DNAH8: variants seen among roughly 807,000 people sequenced by gnomAD.
DNAH8 encodes the protein axonemal beta dynein heavy chain 8.
In DNAH8, 382 loss-of-function variants were observed where a neutral mutation model predicts 562.1. The observed-to-expected ratio is 0.68, with a 90% CI of 0.63 to 0.74. The LOEUF (loss-of-function observed/expected upper bound fraction) is 0.74. Ranked by LOEUF, DNAH8 falls within the 30% of genes least tolerant of loss-of-function variation. The pLI is 0.00. For missense variants in DNAH8, 5,203 were observed against 5,620.4 expected (o/e 0.93, Z 2.37); for synonymous variants, 1,881 against 1,919.4 (o/e 0.98, Z 0.52).
chr6:38,783,637 C>T (rs1582994728), intron 17 of DNAH8, among the ~76,000 whole-genome samples: 2 of 152,066 alleles, frequency 1.3e-5, no homozygotes, highest in East Asian at 3.9e-4. Flanking sequence ...GTCTGCGTGC[C>T]TCTGAGGGGA....
At position 38,860,600 on chromosome 6, in the gene DNAH8, T is replaced by G; in HGVS notation, c.6102T>G (p.Asp2034Glu). The G allele has an allele frequency of 6.5e-7, 1 of 1,547,708 alleles. No homozygotes were observed. The highest frequency in any genetic ancestry group is 8.6e-7 in the Non-Finnish European group (1 of 1,157,530). ...IYQNEFLGCTDRLVITPLTDR... is the reference protein window; with the variant it reads ...IYQNEFLGCTERLVITPLTDR... ...AAAATGAATTTCTGGGATGTACTGATCGTCTTGTTATCACTCCATTAACAG... is the reference window on the plus strand; with the variant it reads ...AAAATGAATTTCTGGGATGTACTGAGCGTCTTGTTATCACTCCATTAACAG... Residue 2034 changes from aspartate to glutamate, a missense_variant, in exon 43 of 93, where the codon GAT becomes GAG. This residue lies in a region of DNAH8 where 2,176 missense variants were observed against 2,365.1 expected (regional missense o/e 0.92). Coordinates refer to ENST00000327475, the MANE Select transcript of DNAH8 (RefSeq NM_001206927.2).
intron 88 of DNAH8, among the ~76,000 whole-genome samples, chr6:39,005,830 T>C (rs1765764049): frequency 6.6e-6 from 1 of 152,268 alleles, no homozygotes; most frequent in Non-Finnish European, 1.5e-5. Flanking sequence ...TCTTTCTAGA[T>C]AATCTGCTCT....
At chr6:38,997,523 G>T (rs1765216104) in intron 88 of DNAH8, among the ~76,000 whole-genome samples, 1 of 152,144 alleles carries the variant, frequency 6.6e-6, no homozygotes, top group African/African-American at 2.4e-5. Flanking sequence ...TTCTGTTGGG[G>T]GCATGTTGAG....
chr6:38,911,945 C>G (rs1172714039), intron 66 of DNAH8, among the ~76,000 whole-genome samples: 3 of 152,166 alleles, frequency 2.0e-5, no homozygotes, highest in African/African-American at 7.2e-5. Flanking sequence ...TTTGTATAAA[C>G]TTTGCCATGT....
At chr6:39,015,291 CAAAGTGTT>C (rs1278893101) in intron 91 of DNAH8, among the ~76,000 whole-genome samples, 2 of 152,018 alleles carry the variant, frequency 1.3e-5, no homozygotes, top group African/African-American at 4.8e-5. Flanking sequence ...CTTTAAAAAG[CAAAGTGTT>C]AATATGAACT....
chr6:38,982,914 T>C (rs1024244682), intron 86 of DNAH8, among the ~76,000 whole-genome samples: 4 of 152,204 alleles, frequency 2.6e-5, no homozygotes, highest in Admixed American at 2.6e-4. Flanking sequence ...TATGACACTT[T>C]GCAGTTTTCA....
intron 1 of DNAH8, among the ~76,000 whole-genome samples, chr6:38,717,174 T>C (rs1350431493): frequency 6.6e-6 from 1 of 152,136 alleles, no homozygotes; most frequent in African/African-American, 2.4e-5. Context: ...CTCACATGAC[T>C]GTACTCCAGC....
At chr6:39,004,728 T>A (rs755645130) in intron 88 of DNAH8, among the ~76,000 whole-genome samples, 1 of 152,248 alleles carries the variant, frequency 6.6e-6, no homozygotes, top group Non-Finnish European at 1.5e-5. Context: ...CTAATCTACT[T>A]TCTGTTTCTG....
chr6:38,767,213 G>A (rs961066613), intron 11 of DNAH8, among the ~76,000 whole-genome samples: 4 of 152,264 alleles, frequency 2.6e-5, no homozygotes, highest in Admixed American at 1.3e-4. Flanking sequence ...GAGGCGGGCA[G>A]ATCACCTGAG....
Position 38,775,968 on chromosome 6 carries a change from A to G in DNAH8, c.1962+17A>G, listed in dbSNP as rs372790289. On this transcript the variant is annotated intron_variant, in intron 13 of 92. Transcript: ENST00000327475. ...GGTTTAGAGGTAAGTAATTATACCT[A>G]CTTTTACTTAGTAAAGCTGAAAAGT... The G allele has an allele frequency of 3.9e-6, 6 of 1,533,712 alleles. No homozygotes were observed. Among genetic ancestry groups the G allele is most frequent in the Non-Finnish European group, 5.4e-6 (6 of 1,110,878 alleles).
chr6:38,882,663 C>A (rs1321314132), intron 53 of DNAH8, among the ~76,000 whole-genome samples: 2 of 152,140 alleles, frequency 1.3e-5, no homozygotes, highest in Admixed American at 1.3e-4. Flanking sequence ...CCCTGTATAT[C>A]TAACAGACCT....
chr6:38,851,362 C>T (rs1003761897), intron 38 of DNAH8, among the ~76,000 whole-genome samples: 2 of 152,154 alleles, frequency 1.3e-5, no homozygotes, highest in Non-Finnish European at 2.9e-5. Flanking sequence ...GATGGGGCAG[C>T]CTTGCTCTGA....
intron 29 of DNAH8, among the ~76,000 whole-genome samples, chr6:38,826,772 C>T (rs1773365208): frequency 6.6e-6 from 1 of 152,174 alleles, no homozygotes; most frequent in Non-Finnish European, 1.5e-5. Flanking sequence ...AGGTCTCACT[C>T]ATGAACGGTG....
chr6:38,724,843 C>T (rs1256144728), intron 3 of DNAH8, among the ~76,000 whole-genome samples: 3 of 152,042 alleles, frequency 2.0e-5, no homozygotes, highest in Admixed American at 6.5e-5. Flanking sequence ...TGCTGGTGAG[C>T]TGATTGTCTC....
chr6:39,029,696 A>G (rs2150806789), intron 92 of DNAH8, among the ~76,000 whole-genome samples: 1 of 152,274 alleles, frequency 6.6e-6, no homozygotes, highest in East Asian at 1.9e-4. Context: ...GTTGAGACAC[A>G]GGTTGGTTGG....
At chr6:38,866,173 A>T (rs1051802061) in intron 45 of DNAH8, among the ~76,000 whole-genome samples, 5 of 152,082 alleles carry the variant, frequency 3.3e-5, no homozygotes, top group South Asian at 2.1e-4. Context: ...GAGATGGAAT[A>T]AAAAAAATGC....
chr6:38,845,869 A>T lies in DNAH8; in HGVS notation c.5045+96A>T, dbSNP rs966508048. The T allele has an allele frequency of 9.0e-6, 9 of 996,042 alleles. No homozygotes were observed. In the Admixed American group the frequency reaches 1.8e-4, roughly 20 times the overall value. The allele number at this position is 996,042 out of a possible 1,614,324, so 61.7% of individuals were successfully genotyped here. A position where few individuals can be genotyped will look rare whatever the true frequency, so the allele number is the denominator to read the frequency against. On this transcript the variant is annotated intron_variant, in intron 36 of 92. Transcript: ENST00000327475. Reference sequence around the variant, plus strand: ...GTTTTAAAGCTCTTTCATTGGATGGATTCTGCACTAAATTTGGTATTATCT... The same window carrying T: ...GTTTTAAAGCTCTTTCATTGGATGGTTTCTGCACTAAATTTGGTATTATCT...
chr6:39,017,556 C>T (rs1050965428), intron 91 of DNAH8, among the ~76,000 whole-genome samples: 5 of 152,156 alleles, frequency 3.3e-5, no homozygotes, highest in African/African-American at 1.2e-4. Context: ...TAGATTGAAC[C>T]ATGCAGTCCC....
intron 80 of DNAH8, among the ~76,000 whole-genome samples, chr6:38,946,809 T>TG (rs113936155): frequency 0.049 from 7,307 of 147,642 alleles, 431 homozygotes; most frequent in African/African-American, 0.13. Context: ...GACTCTGTCT[T>TG]GGGGGAAAAA....
Sources: gnomAD v4.1 joint callset for allele counts (sites outside exome capture counted in the v4.1 genomes callset) on GRCh38, gnomAD v4.1.1 for gene constraint, gnomAD v4.1.1 regional missense constraint, MANE v1.5 for transcripts, NCBI Gene and HGNC (gene_info 2026-07-23, HGNC 2026-07-21) for gene names.